Variants in MTA3 observed in about 807,000 individuals in gnomAD.
MTA3 encodes the protein metastasis-associated protein MTA3.
In MTA3, 34 loss-of-function variants were observed where a neutral mutation model predicts 83.5. The observed-to-expected ratio is 0.41, with a 90% CI of 0.31 to 0.54. The LOEUF is 0.54. Ranked by LOEUF, MTA3 falls within the 20% of genes least tolerant of loss-of-function variation. The probability of loss-of-function intolerance (pLI) is 0.33; values close to 1 mark genes in which losing one functional copy is unlikely to be tolerated. For synonymous variants in MTA3, 303 were observed against 252.7 expected, an observed-to-expected ratio of 1.20 and a Z score of -1.89; for missense variants, 761 against 726.4, an observed-to-expected ratio of 1.05 and a Z score of -0.55.
intron 2 of MTA3, among the ~76,000 whole-genome samples, chr2:42,570,713 T>C (rs929494897): frequency 7.3e-5 from 11 of 151,692 alleles, no homozygotes; most frequent in Admixed American, 7.2e-4. Context: ...TTAATTAATA[T>C]AAAAAGTAAA....
At chr2:42,525,727 G>A (rs923271360) in intron 2 of MTA3, among the ~76,000 whole-genome samples, 5 of 150,952 alleles carry the variant, frequency 3.3e-5, no homozygotes, top group Non-Finnish European at 5.9e-5. Flanking sequence ...GCACAATCTC[G>A]GCTCACTGTA....
intron 4 of MTA3, among the ~76,000 whole-genome samples, chr2:42,634,494 A>C (rs1047753922): frequency 1.3e-5 from 2 of 152,116 alleles, no homozygotes; most frequent in Non-Finnish European, 2.9e-5. Flanking sequence ...AACATGTATA[A>C]AACCGTCAGA....
intron 3 of MTA3, chr2:42,581,981 C>G (rs1447205270): frequency 1.3e-5 from 2 of 153,994 alleles, no homozygotes; most frequent in Non-Finnish European, 2.9e-5. Context: ...AACTCCCAAC[C>G]TCAGGTGATC....
intron 6 of MTA3, among the ~76,000 whole-genome samples, chr2:42,648,865 T>C (rs887089839): frequency 5.3e-5 from 8 of 152,216 alleles, no homozygotes; most frequent in African/African-American, 1.9e-4. Flanking sequence ...TAAACGAAAA[T>C]GACTCTAGGT....
rs144159271 is a variant in MTA3 at position 42,741,305 on chromosome 2, A to G, written c.1760-12069A>G. The stretch of plus-strand genomic sequence containing the variant: ...CTTGTATTCAGGCCACTTTCTCCTT[A>G]TCAGCAGTAAGATTGTTTCACTTTC... On this transcript the variant is annotated intron_variant, in intron 16 of 16. Coordinates refer to ENST00000405094, the MANE Select transcript of MTA3 (RefSeq NM_001330442.2). Among the ~76,000 whole-genome samples, 392 of 152,314 alleles carry G rather than the reference A, an allele frequency of 2.6e-3. 2 individuals are homozygous for G. The highest frequency in any genetic ancestry group is 8.2e-3 in the African/African-American group (339 of 41,570).
intron 11 of MTA3, 61 bp from the exon 12 acceptor site, chr2:42,704,133 A>C: frequency 6.5e-7 from 1 of 1,531,900 alleles, no homozygotes; most frequent in Non-Finnish European, 8.9e-7. Flanking sequence ...CAGTAATGAT[A>C]TAGAGCTTTT....
At chr2:42,737,987 A>T (rs6714302) in intron 16 of MTA3, among the ~76,000 whole-genome samples, 4,163 of 152,196 alleles carry the variant, frequency 0.027, 209 homozygotes, top group African/African-American at 0.096. Flanking sequence ...GTTGGCTGGG[A>T]GTGATGGCAC....
At chr2:42,628,740 G>GAGTTATTTC (rs1254304146) in intron 4 of MTA3, among the ~76,000 whole-genome samples, 4 of 146,252 alleles carry the variant, frequency 2.7e-5, no homozygotes, top group Non-Finnish European at 6.0e-5. Flanking sequence ...TTTTAAAACT[G>GAGTTATTTC]AGTTATTGAG....
At chr2:42,536,182 C>T (rs954187702) in intron 2 of MTA3, among the ~76,000 whole-genome samples, 1 of 150,050 alleles carries the variant, frequency 6.7e-6, no homozygotes, top group Non-Finnish European at 1.5e-5. Context: ...ATATGAAAAT[C>T]GAGGGGTTAG....
chr2:42,583,918 A>G (rs192284104), intron 3 of MTA3, among the ~76,000 whole-genome samples: 3 of 151,380 alleles, frequency 2.0e-5, no homozygotes, highest in Non-Finnish European at 4.4e-5. Context: ...ATCTCAGCTC[A>G]ACGTAACCTC....
chr2:42,525,197 CTTT>C (rs1247299600), intron 2 of MTA3, among the ~76,000 whole-genome samples: 2 of 62,862 alleles, frequency 3.2e-5, no homozygotes, highest in East Asian at 1.0e-3. Flanking sequence ...TCTTCTTCTT[CTTT>C]TTTTTTTTTG....
chr2:42,723,320 G>C, intron 16 of MTA3: 1 of 355,800 alleles, frequency 2.8e-6, no homozygotes, highest in East Asian at 5.4e-5. Context: ...TAATGTTCTT[G>C]CTGTGATGCG....
chr2:42,538,729 AAAAG>A (rs1433691319), intron 2 of MTA3, among the ~76,000 whole-genome samples: 4 of 149,530 alleles, frequency 2.7e-5, no homozygotes, highest in Non-Finnish European at 5.9e-5. Flanking sequence ...AAAAAAAAGA[AAAAG>A]AAAAGAAAAG....
upstream of MTA3, among the ~76,000 whole-genome samples, chr2:42,567,833 C>A (rs1210067504): frequency 6.6e-6 from 1 of 152,172 alleles, no homozygotes; most frequent in Non-Finnish European, 1.5e-5. Flanking sequence ...CTGTAGGGCC[C>A]TGTTCCCCCA....
Position 42,750,895 on chromosome 2 carries a change from C to G in MTA3, c.1760-2479C>G, listed in dbSNP as rs541488438. Among the ~76,000 whole-genome samples, 26 of 152,286 alleles carry G rather than the reference C, an allele frequency of 1.7e-4. 1 individual carries two copies. The South Asian group carries it at 4.6e-3, about 27-fold the overall frequency. ...TGGGATCCAGCTGCTTCTCAAAGAGCCTTTAACTCCTCTTCCTTGCTTCAG... is the reference window on the plus strand; with the variant it reads ...TGGGATCCAGCTGCTTCTCAAAGAGGCTTTAACTCCTCTTCCTTGCTTCAG... On this transcript the variant is annotated intron_variant, in intron 16 of 16. Transcript: ENST00000405094.
At chr2:42,553,281 G>A (rs574606031) in intron 2 of MTA3, among the ~76,000 whole-genome samples, 2 of 151,548 alleles carry the variant, frequency 1.3e-5, no homozygotes, top group South Asian at 2.1e-4. Flanking sequence ...AAAATTCGCC[G>A]GGCATGGTGG....
chr2:42,696,077 A>G (rs564385113), intron 10 of MTA3, among the ~76,000 whole-genome samples: 2 of 152,236 alleles, frequency 1.3e-5, no homozygotes, highest in East Asian at 3.9e-4. Context: ...GAGAGGCATT[A>G]TTTTCCTTGC....
intron 7 of MTA3, among the ~76,000 whole-genome samples, chr2:42,656,957 A>T (rs933144198): frequency 6.6e-6 from 1 of 152,234 alleles, no homozygotes; most frequent in Non-Finnish European, 1.5e-5. Flanking sequence ...AATAGTGTTG[A>T]GGGTATATAC....
chr2:42,522,533 C>T (rs899696124), intron 2 of MTA3, among the ~76,000 whole-genome samples: 2 of 152,034 alleles, frequency 1.3e-5, no homozygotes, highest in South Asian at 4.1e-4. Flanking sequence ...CGGTGGCTCA[C>T]GCCTATAATC....
Sources: gnomAD v4.1 joint callset for allele counts (sites outside exome capture counted in the v4.1 genomes callset) on GRCh38, gnomAD v4.1.1 for gene constraint, MANE v1.5 for transcripts, NCBI Gene and HGNC (gene_info 2026-07-23, HGNC 2026-07-21) for gene names.